The following MAN1A1 variants were observed in gnomAD, a reference collection of about 807,000 sequenced individuals.
The protein encoded by MAN1A1 is mannosyl-oligosaccharide 1,2-alpha-mannosidase IA.
MAN1A1 carries 29 observed loss-of-function variants against 70.8 expected under a neutral mutation model. The observed-to-expected ratio is 0.41, with a 90% CI of 0.31 to 0.56. MAN1A1 has a LOEUF of 0.56. Ranked by LOEUF, MAN1A1 falls within the 20% of genes least tolerant of loss-of-function variation. The probability of loss-of-function intolerance (pLI) is 0.29; values close to 1 mark genes in which losing one functional copy is unlikely to be tolerated. For missense variants in MAN1A1, 747 were observed against 841.3 expected (o/e 0.89, Z 1.39); for synonymous variants, 349 against 330.1 (o/e 1.06, Z -0.62).
At chr6:119,279,241 A>C (rs1402765840) in intron 5 of MAN1A1, among the ~76,000 whole-genome samples, 1 of 152,134 alleles carries the variant, frequency 6.6e-6, no homozygotes, top group Non-Finnish European at 1.5e-5. Flanking sequence ...AAGCAATTCA[A>C]TCAGTCCATT....
At chr6:119,296,633 C>G (rs1307669638) in intron 4 of MAN1A1, among the ~76,000 whole-genome samples, 1 of 151,990 alleles carries the variant, frequency 6.6e-6, no homozygotes, top group Admixed American at 6.6e-5. Flanking sequence ...ATCCTCCTGA[C>G]AGGGAACCCT....
intron 4 of MAN1A1, among the ~76,000 whole-genome samples, chr6:119,295,925 G>A (rs923709844): frequency 4.6e-5 from 7 of 152,050 alleles, no homozygotes; most frequent in Admixed American, 1.3e-4. Context: ...ACATGATAAC[G>A]ATACTTTAAT....
chr6:119,217,968 T>C (rs923118062), intron 6 of MAN1A1, among the ~76,000 whole-genome samples: 5 of 152,228 alleles, frequency 3.3e-5, no homozygotes, highest in Non-Finnish European at 7.3e-5. Flanking sequence ...AACAGCTGCA[T>C]AGTTACATTC....
chr6:119,194,362 C>T (rs75897156), intron 8 of MAN1A1, among the ~76,000 whole-genome samples: 7,089 of 152,260 alleles, frequency 0.047, 208 homozygotes, highest in East Asian at 0.082. Context: ...CTCACTCTGT[C>T]ACCCAGGCTG....
intron 5 of MAN1A1, among the ~76,000 whole-genome samples, chr6:119,278,770 T>C (rs1160823801): frequency 3.9e-5 from 6 of 152,120 alleles, no homozygotes; most frequent in Non-Finnish European, 7.4e-5. Flanking sequence ...GTTCTTGCTC[T>C]GCAAGTTCAC....
At chr6:119,215,722 C>T (rs3798609) in intron 6 of MAN1A1, among the ~76,000 whole-genome samples, 63,612 of 152,002 alleles carry the variant, frequency 0.42, 13,804 homozygotes, top group East Asian at 0.67. Flanking sequence ...TTTCTCTTTA[C>T]TCAAAATGAA....
intron 2 of MAN1A1, among the ~76,000 whole-genome samples, chr6:119,339,623 T>C (rs961840075): frequency 1.3e-5 from 2 of 152,020 alleles, no homozygotes. Flanking sequence ...TACTCTAGTG[T>C]GCTTTCAAAT....
At chr6:119,185,644 T>G (rs1773267515) in intron 11 of MAN1A1, among the ~76,000 whole-genome samples, 1 of 152,070 alleles carries the variant, frequency 6.6e-6, no homozygotes, top group South Asian at 2.1e-4. Context: ...TGGCGTGATC[T>G]CGGCTCATTG....
chr6:119,254,911 A>G (rs1775420165), intron 5 of MAN1A1, among the ~76,000 whole-genome samples: 1 of 152,232 alleles, frequency 6.6e-6, no homozygotes, highest in Non-Finnish European at 1.5e-5. Flanking sequence ...TTTCAAAATA[A>G]CTACATGAAA....
rs924594407 is a variant in MAN1A1, at chr6:119,348,810, G to T, written c.256C>A (p.His86Asn). ...SSPALQPAAD[H>N]KPGPGARAED... ...GCGCGCGCCCCGGGCCCGGGCTTGT[G>T]GTCGGCGGCCGGCTGCAAGGCGGGG... The change falls in exon 2 of 13, where the codon CAC becomes AAC. Residue 86 changes from histidine (H) to asparagine (N), a missense_variant. Around this residue, in one of 2 missense-constraint regions of MAN1A1, gnomAD observed 328 missense variants for 293.1 expected, o/e 1.12. Coordinates refer to ENST00000368468, the MANE Select transcript of MAN1A1 (RefSeq NM_005907.4). 7 of 1,451,110 alleles carry T rather than the reference G, an allele frequency of 4.8e-6. No homozygotes were observed. In the African/African-American group the frequency reaches 1.0e-4, roughly 21 times the overall value. 89.9% of individuals were successfully genotyped at this position (1,451,110 alleles called of 1,614,324 possible). A position where few individuals can be genotyped will look rare whatever the true frequency, so the allele number is the denominator to read the frequency against.
chr6:119,348,526 G>T lies in MAN1A1; in HGVS notation c.540C>A (p.Ile180=), dbSNP rs759827818. Residue 180 remains isoleucine, a synonymous_variant, in exon 2 of 13, where the codon ATC becomes ATA. Coordinates refer to ENST00000368468, the MANE Select transcript of MAN1A1 (RefSeq NM_005907.4). ...CGGCGGGCTCCCGGCTCTCCACCCC[G>T]ATTGGGGGCACGAAGTCCACCGGGG... ...GLPPVDFVPP[I]GVESREPADA... is the part of the protein sequence containing the mutation. 3.1e-6 allele frequency: 5 copies of T among 1,612,582 alleles called. No homozygotes were observed. The Middle Eastern group carries it at 5.0e-4, about 160-fold the overall frequency.
At chr6:119,246,465 A>G (rs1172269970) in intron 6 of MAN1A1, among the ~76,000 whole-genome samples, 3 of 152,176 alleles carry the variant, frequency 2.0e-5, no homozygotes, top group Non-Finnish European at 4.4e-5. Context: ...AATGTTCACA[A>G]AGTAACTACT....
intron 11 of MAN1A1, among the ~76,000 whole-genome samples, chr6:119,180,655 G>A (rs1206603029): frequency 1.3e-5 from 2 of 152,014 alleles, no homozygotes; most frequent in Admixed American, 6.6e-5. Flanking sequence ...TGGGACCACA[G>A]GCATTCGCCA....
At chr6:119,299,309 T>C (rs1365591436) in intron 4 of MAN1A1, among the ~76,000 whole-genome samples, 1 of 152,130 alleles carries the variant, frequency 6.6e-6, no homozygotes, top group African/African-American at 2.4e-5. Context: ...TTGGATATTG[T>C]TGACAACATA....
chr6:119,187,112 T>C (rs1226344320), intron 11 of MAN1A1, among the ~76,000 whole-genome samples: 1 of 152,216 alleles, frequency 6.6e-6, no homozygotes, highest in Non-Finnish European at 1.5e-5. Context: ...CCATTTTTGA[T>C]ACCTTCTCGG....
intron 6 of MAN1A1, 70 bp downstream of exon 6, chr6:119,248,189 AT>A: frequency 1.0e-6 from 1 of 992,550 alleles, no homozygotes; most frequent in Non-Finnish European, 1.6e-6. Context: ...TATCTATCTA[AT>A]GTATACTTAT....
chr6:119,313,332 G>GA (rs1393142208), intron 2 of MAN1A1, among the ~76,000 whole-genome samples: 1 of 152,078 alleles, frequency 6.6e-6, no homozygotes, highest in African/African-American at 2.4e-5. Context: ...ATTCCTCAGT[G>GA]AGCGAGGGCC....
chr6:119,270,308 T>C (rs1562219137), intron 5 of MAN1A1, among the ~76,000 whole-genome samples: 1 of 152,236 alleles, frequency 6.6e-6, no homozygotes, highest in African/African-American at 2.4e-5. Context: ...TTTATGTATA[T>C]TTAAAATACA....
At chr6:119,203,295 AAAG>A (rs1773767327) in intron 7 of MAN1A1, among the ~76,000 whole-genome samples, 1 of 152,168 alleles carries the variant, frequency 6.6e-6, no homozygotes, top group Non-Finnish European at 1.5e-5. Context: ...GCAGAATATT[AAAG>A]AAGTGAGGGA....
Sources: gnomAD v4.1 joint callset for allele counts (sites outside exome capture counted in the v4.1 genomes callset) on GRCh38, gnomAD v4.1.1 for gene constraint, gnomAD v4.1.1 regional missense constraint, MANE v1.5 for transcripts, NCBI Gene and HGNC (gene_info 2026-07-23, HGNC 2026-07-21) for gene names.